GAB1: variants seen among roughly 807,000 people sequenced by gnomAD.
GAB1 encodes the protein GRB2-associated-binding protein 1.
A neutral mutation model predicts 66.5 loss-of-function variants in GAB1; 19 were observed. The ratio of observed to expected loss-of-function variants is 0.29; its 90% CI spans 0.20 to 0.42. The LOEUF (loss-of-function observed/expected upper bound fraction) is 0.42, where lower values mean the gene tolerates loss of function less well. Ranked by LOEUF, GAB1 falls within the 10% of genes least tolerant of loss-of-function variation. The pLI, the probability that GAB1 is intolerant of heterozygous loss-of-function variation, is 1.00. For missense variants in GAB1, 732 were observed against 858.5 expected, an observed-to-expected ratio of 0.85 and a Z score of 1.84; for synonymous variants, 294 against 301.4, an observed-to-expected ratio of 0.98 and a Z score of 0.25.
chr4:143,384,342 TA>T (rs1194032486), intron 1 of GAB1, among the ~76,000 whole-genome samples: 1 of 152,368 alleles, frequency 6.6e-6, no homozygotes, highest in East Asian at 1.9e-4. Flanking sequence ...TTTATCGCAT[TA>T]AAAAAGTGAA....
rs1329172009 is a variant in GAB1, at chr4:143,469,807, T to C, written c.*618T>C. ...TTAGTTTTTAATGGTGGAACTTTGT[T>C]ATATTTTGTTAATTACAGTGTTTTT... On this transcript the variant is annotated 3_prime_UTR_variant, in exon 10 of 10. Coordinates refer to ENST00000262994, the MANE Select transcript of GAB1 (RefSeq NM_002039.4). 4 of 152,708 alleles carry C rather than the reference T, an allele frequency of 2.6e-5. No homozygotes were observed. Among genetic ancestry groups the C allele is most frequent in the Admixed American group, 2.0e-4 (3 of 15,282 alleles). 9.5% of individuals were successfully genotyped at this position (152,708 alleles called of 1,614,324 possible). A position where few individuals can be genotyped will look rare whatever the true frequency, so the allele number is the denominator to read the frequency against.
intron 6 of GAB1, among the ~76,000 whole-genome samples, chr4:143,451,181 T>A (rs936776050): frequency 2.6e-5 from 4 of 152,086 alleles, no homozygotes; most frequent in African/African-American, 9.7e-5. Context: ...GAAGCTCCCC[T>A]GAGGAAAGTC....
chr4:143,452,757 G>T (rs1412013162), intron 6 of GAB1, among the ~76,000 whole-genome samples: 1 of 152,174 alleles, frequency 6.6e-6, no homozygotes, highest in Non-Finnish European at 1.5e-5. Flanking sequence ...CCAGTAGTCA[G>T]TGCTCTTCAC....
rs117220286 is a variant in GAB1, at chr4:143,364,803, G to A, written c.72+27543G>A. On this transcript the variant is annotated intron_variant, in intron 1 of 9. Coordinates refer to ENST00000262994, the MANE Select transcript of GAB1 (RefSeq NM_002039.4). ...AGTCAACTCTGGCCTGCACTAGTTGGCATCGAGATCTGTGAAAAGGAGTAG... is the reference window on the plus strand; with the variant it reads ...AGTCAACTCTGGCCTGCACTAGTTGACATCGAGATCTGTGAAAAGGAGTAG... 7.6e-3 allele frequency among the ~76,000 whole-genome samples: 1,153 copies of A among 150,976 alleles called. 23 individuals are homozygous for A. In the East Asian group the frequency reaches 0.089, roughly 12 times the overall value.
chr4:143,464,848 C>T (rs750842339), intron 8 of GAB1, among the ~76,000 whole-genome samples: 1 of 152,170 alleles, frequency 6.6e-6, no homozygotes, highest in Non-Finnish European at 1.5e-5. Flanking sequence ...TTCCCTAAGG[C>T]ACAGTTTTTT....
intron 2 of GAB1, among the ~76,000 whole-genome samples, chr4:143,432,056 G>T (rs1424091117): frequency 6.6e-6 from 1 of 152,216 alleles, no homozygotes; most frequent in African/African-American, 2.4e-5. Flanking sequence ...AGAAAAAGAT[G>T]CCTGGGGAAG....
chr4:143,393,356 A>T (rs1436192380), intron 1 of GAB1, among the ~76,000 whole-genome samples: 2 of 152,054 alleles, frequency 1.3e-5, no homozygotes, highest in Non-Finnish European at 2.9e-5. Flanking sequence ...GACAAATAGT[A>T]CAGTGTTAAG....
At chr4:143,382,290 G>T (rs780371624) in intron 1 of GAB1, among the ~76,000 whole-genome samples, 57 of 151,886 alleles carry the variant, frequency 3.8e-4, no homozygotes, top group Admixed American at 6.6e-4. Flanking sequence ...TATTTGTTTA[G>T]GTATTATAGA....
At chr4:143,431,506 A>G (rs1733650914) in intron 2 of GAB1, among the ~76,000 whole-genome samples, 1 of 152,302 alleles carries the variant, frequency 6.6e-6, no homozygotes, top group East Asian at 1.9e-4. Context: ...ATTCTTTTAA[A>G]TTCTTTGTTA....
In GAB1 at chr4:143,415,573, A is replaced by G. The variant is rs776864832; in HGVS notation, c.169A>G (p.Ile57Val). ...CAAAAATGATCATGCCAAGAAGCCT[A>G]TTCGTATTATTGATTTAAATTTATG... ...YYKNDHAKKP[I>V]RIIDLNLCQQ... Residue 57 changes from isoleucine to valine, a missense_variant, in exon 2 of 10, where the codon ATT becomes GTT. Ile to Val is a conservative substitution (Grantham distance 29). Coordinates refer to ENST00000262994, the MANE Select transcript of GAB1 (RefSeq NM_002039.4). 2.5e-6 allele frequency: 4 copies of G among 1,613,382 alleles called. No homozygotes were observed. The highest frequency in any genetic ancestry group is 3.4e-6 in the Non-Finnish European group (4 of 1,179,404).
intron 1 of GAB1, among the ~76,000 whole-genome samples, chr4:143,371,748 A>G (rs1427962306): frequency 6.6e-6 from 1 of 152,184 alleles, no homozygotes; most frequent in Non-Finnish European, 1.5e-5. Context: ...GAAGGGATCC[A>G]GTTTCAGCTT....
intron 1 of GAB1, among the ~76,000 whole-genome samples, chr4:143,364,229 C>T (rs1310458001): frequency 6.6e-6 from 1 of 151,368 alleles, no homozygotes; most frequent in East Asian, 1.9e-4. Flanking sequence ...TTCATTCTCT[C>T]TGTCTGTTAT....
rs572074674 is a variant in GAB1 at position 143,349,782 on chromosome 4, C to T, written c.72+12522C>T. 1.1e-4 allele frequency: 172 copies of T among 1,592,206 alleles called. 1 individual carries two copies. The African/African-American group carries it at 2.1e-3, about 20-fold the overall frequency. Reference sequence around the variant, plus strand: ...TGTAGTCCCCGATAGCAACGAATGCCTTGAACCTCGTGCGCTGGCCGGCAC... The same window carrying T: ...TGTAGTCCCCGATAGCAACGAATGCTTTGAACCTCGTGCGCTGGCCGGCAC... On this transcript the variant is annotated intron_variant, in intron 1 of 9. Transcript: ENST00000262994.
chr4:143,390,977 T>C (rs758412970), intron 1 of GAB1, among the ~76,000 whole-genome samples: 5 of 152,172 alleles, frequency 3.3e-5, no homozygotes, highest in Non-Finnish European at 5.9e-5. Context: ...TGCCATGTAC[T>C]TTGCACTGGG....
At chr4:143,409,544 A>G (rs1215239657) in intron 1 of GAB1, among the ~76,000 whole-genome samples, 1 of 152,136 alleles carries the variant, frequency 6.6e-6, no homozygotes, top group Non-Finnish European at 1.5e-5. Context: ...AAGGAGCTTA[A>G]TGTCCAGTTG....
chr4:143,356,178 A>G (rs28989205), intron 1 of GAB1, among the ~76,000 whole-genome samples: 3,820 of 152,296 alleles, frequency 0.025, 146 homozygotes, highest in African/African-American at 0.087. Flanking sequence ...AATCAAAGAC[A>G]AGCAGTTAGT....
chr4:143,402,064 T>C (rs1731805403), intron 1 of GAB1, among the ~76,000 whole-genome samples: 1 of 152,104 alleles, frequency 6.6e-6, no homozygotes, highest in South Asian at 2.1e-4. Flanking sequence ...GCAGGGTTTT[T>C]TTTTTCTCTT....
intron 2 of GAB1, among the ~76,000 whole-genome samples, chr4:143,428,015 C>A (rs773357101): frequency 1.8e-4 from 27 of 152,182 alleles, no homozygotes; most frequent in Non-Finnish European, 3.8e-4. Context: ...ATAGGGGGGC[C>A]TATGGGGGTG....
chr4:143,371,813 T>TC (rs11376437), intron 1 of GAB1, among the ~76,000 whole-genome samples: 62,862 of 151,908 alleles, frequency 0.41, 13,210 homozygotes, highest in South Asian at 0.56. Flanking sequence ...GGGTATCCTT[T>TC]CCCGATTTCT....
Sources: gnomAD v4.1 joint callset for allele counts (sites outside exome capture counted in the v4.1 genomes callset) on GRCh38, gnomAD v4.1.1 for gene constraint, MANE v1.5 for transcripts, NCBI Gene and HGNC (gene_info 2026-07-23, HGNC 2026-07-21) for gene names.